The following NEO1 variants were observed in gnomAD, a reference collection of about 807,000 sequenced individuals.
NEO1 encodes the protein neogenin 1, also known as neogenin.
Under a neutral mutation model 159.7 loss-of-function variants are expected in NEO1, and 63 were observed. That is an observed-to-expected ratio of 0.39 (90% CI 0.32 to 0.49). The LOEUF (loss-of-function observed/expected upper bound fraction) is 0.49. Ranked by LOEUF, NEO1 falls within the 20% of genes least tolerant of loss-of-function variation. The pLI is 0.85. For missense variants in NEO1, 1,615 were observed against 1,831.0 expected (o/e 0.88, Z 2.15); for synonymous variants, 633 against 662.0 (o/e 0.96, Z 0.67).
intron 5 of NEO1, among the ~76,000 whole-genome samples, chr15:73,155,244 T>C (rs1596180262): frequency 6.6e-6 from 1 of 152,096 alleles, no homozygotes. Flanking sequence ...ATGGTGGTGG[T>C]GGTGGTTTTC....
chr15:73,248,561 G>C (rs2039916550), intron 9 of NEO1, among the ~76,000 whole-genome samples: 1 of 152,172 alleles, frequency 6.6e-6, no homozygotes, highest in South Asian at 2.1e-4. Flanking sequence ...CTTCATCAAA[G>C]GGGTTTCCCT....
intron 6 of NEO1, 98 bp from the exon 7 acceptor site, chr15:73,178,209 T>C: frequency 9.0e-7 from 1 of 1,115,100 alleles, no homozygotes; most frequent in East Asian, 2.6e-5. Flanking sequence ...ATAAAAACTT[T>C]ACTTGTTTTT....
At chr15:73,254,399 CTT>C (rs2040235727) in intron 12 of NEO1, among the ~76,000 whole-genome samples, 1 of 152,106 alleles carries the variant, frequency 6.6e-6, no homozygotes, top group African/African-American at 2.4e-5. Context: ...CTTCTGAAAA[CTT>C]TTCTGAGACT....
intron 4 of NEO1, among the ~76,000 whole-genome samples, chr15:73,126,995 G>A (rs997227500): frequency 2.6e-5 from 4 of 152,134 alleles, no homozygotes; most frequent in South Asian, 2.1e-4. Flanking sequence ...ACTTCGGGAC[G>A]CTGAGGTGGG....
At chr15:73,117,630 C>T (rs1008714904) in intron 2 of NEO1, among the ~76,000 whole-genome samples, 5 of 152,214 alleles carry the variant, frequency 3.3e-5, no homozygotes, top group Admixed American at 1.3e-4. Context: ...AGTAGTCTCC[C>T]ATCTCATTCC....
At chr15:73,192,816 G>T (rs2036311718) in intron 7 of NEO1, among the ~76,000 whole-genome samples, 1 of 151,982 alleles carries the variant, frequency 6.6e-6, no homozygotes, top group Admixed American at 6.6e-5. Context: ...AGTCTACACA[G>T]AAATCTATTA....
chr15:73,133,318 T>C (rs1241596077), intron 4 of NEO1, among the ~76,000 whole-genome samples: 3 of 152,164 alleles, frequency 2.0e-5, no homozygotes, highest in Non-Finnish European at 4.4e-5. Context: ...AAACATCCTA[T>C]GTTCTCACTC....
In NEO1 at chr15:73,165,075, G is replaced by A. The variant is rs188093713; in HGVS notation, c.1016-11328G>A. Among the ~76,000 whole-genome samples the A allele has an allele frequency of 1.9e-3, 282 of 149,012 alleles. 1 individual carries two copies. Among genetic ancestry groups the A allele is most frequent in the Non-Finnish European group, 2.9e-3 (199 of 67,536 alleles). ...CCTGAGTGACTGAAACTGTAGGCAT[G>A]TTCCACATGCCTGGCCAATTTTTTT... On this transcript the variant is annotated intron_variant, in intron 5 of 28. Coordinates refer to ENST00000261908, the MANE Select transcript of NEO1 (RefSeq NM_002499.4).
At chr15:73,243,016 A>G (rs1444021961) in intron 8 of NEO1, among the ~76,000 whole-genome samples, 1 of 152,180 alleles carries the variant, frequency 6.6e-6, no homozygotes, top group Non-Finnish European at 1.5e-5. Flanking sequence ...AAATTGTAAG[A>G]AATCAGTTGA....
intron 26 of NEO1, among the ~76,000 whole-genome samples, chr15:73,297,725 C>A (rs540111460): frequency 6.6e-6 from 1 of 152,362 alleles, no homozygotes; most frequent in African/African-American, 2.4e-5. Context: ...CCCCCATTTC[C>A]TTCTCTGAAT....
intron 1 of NEO1, among the ~76,000 whole-genome samples, chr15:73,098,053 A>G (rs1464122075): frequency 6.7e-6 from 1 of 150,372 alleles, no homozygotes; most frequent in East Asian, 1.9e-4. Flanking sequence ...TCTCCAAATC[A>G]GTAAAGTTAC....
intron 7 of NEO1, among the ~76,000 whole-genome samples, chr15:73,196,273 C>T (rs533120700): frequency 1.1e-4 from 16 of 152,272 alleles, no homozygotes; most frequent in Non-Finnish European, 1.6e-4. Flanking sequence ...CTCTCTTGCA[C>T]GCAAGAATGG....
intron 7 of NEO1, among the ~76,000 whole-genome samples, chr15:73,217,121 G>C (rs1460858625): frequency 6.6e-6 from 1 of 151,666 alleles, no homozygotes; most frequent in African/African-American, 2.4e-5. Flanking sequence ...GTGTAAGGAA[G>C]GGATCCAGTT....
chr15:73,114,548 CAT>C (rs1309885071), intron 1 of NEO1, among the ~76,000 whole-genome samples: 2 of 152,140 alleles, frequency 1.3e-5, no homozygotes, highest in African/African-American at 2.4e-5. Context: ...TTTTCAAACA[CAT>C]ATACTTTTTT....
intron 7 of NEO1, among the ~76,000 whole-genome samples, chr15:73,206,629 C>T (rs529917779): frequency 6.6e-6 from 1 of 152,108 alleles, no homozygotes; most frequent in African/African-American, 2.4e-5. Context: ...TTTAATTACT[C>T]ATGTATTTTC....
rs34165169 is a variant in NEO1, at chr15:73,097,776, C to CTTTTTTT, written c.131-18748_131-18742dup. ...TTCTAATCCCAGACCTGGAACTAGC[C>CTTTTTTT]TTTTTTTTTTTTTTTTTTTTTTGTA... On this transcript the variant is annotated intron_variant, in intron 1 of 28. Coordinates refer to ENST00000261908, the MANE Select transcript of NEO1 (RefSeq NM_002499.4). 5.4e-4 allele frequency among the ~76,000 whole-genome samples: 41 copies of CTTTTTTT among 75,540 alleles called. 1 individual carries two copies. The highest frequency in any genetic ancestry group is 1.8e-3 in the African/African-American group (22 of 11,930). The allele number at this position is 75,540 out of a possible 152,430, so 49.6% of individuals were successfully genotyped here. A position where few individuals can be genotyped will look rare whatever the true frequency, so the allele number is the denominator to read the frequency against.
intron 26 of NEO1, among the ~76,000 whole-genome samples, chr15:73,296,715 C>CT (rs2042386850): frequency 6.6e-6 from 1 of 152,102 alleles, no homozygotes; most frequent in Non-Finnish European, 1.5e-5. Context: ...GTACTGAACC[C>CT]TTTATATCTG....
intron 1 of NEO1, among the ~76,000 whole-genome samples, chr15:73,093,843 T>C (rs1232384244): frequency 6.6e-6 from 1 of 152,108 alleles, no homozygotes; most frequent in Non-Finnish European, 1.5e-5. Flanking sequence ...CCTCCCAGAG[T>C]GCTGGGATTA....
chr15:73,155,773 A>G (rs2033726539), intron 5 of NEO1, among the ~76,000 whole-genome samples: 1 of 152,174 alleles, frequency 6.6e-6, no homozygotes. Flanking sequence ...GTATTTTGTA[A>G]TTCCTTCAAT....
Sources: allele counts gnomAD v4.1 joint callset (sites outside exome capture counted in the v4.1 genomes callset), GRCh38; gene constraint gnomAD v4.1.1; transcripts MANE v1.5; gene names NCBI Gene and HGNC (gene_info 2026-07-23, HGNC 2026-07-21).